SENP5: variants seen among roughly 807,000 people sequenced by gnomAD.
The protein encoded by SENP5 is sentrin-specific protease 5.
In SENP5, 21 loss-of-function variants were observed where a neutral mutation model predicts 74.2. The observed-to-expected ratio is 0.28, with a 90% CI of 0.20 to 0.41. The LOEUF (loss-of-function observed/expected upper bound fraction) is 0.41. SENP5 is among the 10% of genes least tolerant of loss of function. The probability of loss-of-function intolerance (pLI) is 1.00; values close to 1 mark genes in which losing one functional copy is unlikely to be tolerated. For missense variants in SENP5, 717 were observed against 889.1 expected (o/e 0.81, Z 2.46); for synonymous variants, 311 against 312.7 (o/e 0.99, Z 0.06).
At chr3:196,908,860 G>A (rs1715010383) in intron 6 of SENP5, among the ~76,000 whole-genome samples, 1 of 151,972 alleles carries the variant, frequency 6.6e-6, no homozygotes, top group Non-Finnish European at 1.5e-5. Context: ...AGGAAATAGA[G>A]AAGCAAGAGC....
intron 6 of SENP5, among the ~76,000 whole-genome samples, chr3:196,904,066 A>G (rs73891567): frequency 0.015 from 2,349 of 152,376 alleles, 55 homozygotes; most frequent in African/African-American, 0.052. Context: ...TTATATCACA[A>G]TCTATTCATA....
chr3:196,881,110 C>T (rs1162405209), intron 1 of SENP5, among the ~76,000 whole-genome samples: 3 of 151,988 alleles, frequency 2.0e-5, no homozygotes, highest in Non-Finnish European at 4.4e-5. Flanking sequence ...CCACACTTGG[C>T]TAATTTTTAT....
chr3:196,901,934 C>T (rs1714717374), intron 5 of SENP5, among the ~76,000 whole-genome samples: 1 of 152,152 alleles, frequency 6.6e-6, no homozygotes, highest in African/African-American at 2.4e-5. Flanking sequence ...TGAGAACTTA[C>T]TAGAAATGCA....
intron 1 of SENP5, among the ~76,000 whole-genome samples, chr3:196,879,726 A>G (rs1198228231): frequency 6.6e-6 from 1 of 152,100 alleles, no homozygotes; most frequent in African/African-American, 2.4e-5. Flanking sequence ...TGGGAGGTAA[A>G]TATTTTGATA....
chr3:196,870,202 G>C (rs763276405), intron 1 of SENP5, among the ~76,000 whole-genome samples: 1 of 152,134 alleles, frequency 6.6e-6, no homozygotes, highest in Non-Finnish European at 1.5e-5. Context: ...TTTGGTAGAC[G>C]CTCAGAAAGG....
At chr3:196,921,814 A>C (rs1715630536) in intron 6 of SENP5, among the ~76,000 whole-genome samples, 1 of 152,236 alleles carries the variant, frequency 6.6e-6, no homozygotes, top group Admixed American at 6.5e-5. Context: ...TCAGAAAGCG[A>C]GAAGGAAATC....
chr3:196,876,004 T>C (rs1214281877), intron 1 of SENP5, among the ~76,000 whole-genome samples: 1 of 152,174 alleles, frequency 6.6e-6, no homozygotes, highest in Non-Finnish European at 1.5e-5. Flanking sequence ...ATTACAGGCA[T>C]AAGCCACCAT....
chr3:196,923,527 C>A lies in SENP5; in HGVS notation c.1998C>A (p.Gly666=). The A allele has an allele frequency of 6.2e-7, 1 of 1,608,092 alleles. No individual in the cohort carries two copies. Among genetic ancestry groups the A allele is most frequent in the African/African-American group, 1.3e-5 (1 of 74,814 alleles). The change falls in exon 7 of 10, where the codon GGC becomes GGA. Residue 666 remains glycine (G), a synonymous_variant. Transcript: ENST00000323460. ...TTATTTCATTTTATGATTCCCAAGGCATTCATTTTAAGTTTTGTGTAGAGG... is the reference window on the plus strand; with the variant it reads ...TTATTTCATTTTATGATTCCCAAGGAATTCATTTTAAGTTTTGTGTAGAGG... ...NRIISFYDSQ[G]IHFKFCVENI...
At chr3:196,899,832 T>A in intron 3 of SENP5, 61 bp downstream of exon 3, 1 of 1,570,960 alleles carries the variant, frequency 6.4e-7, no homozygotes, top group Non-Finnish European at 8.7e-7. Flanking sequence ...ATATGACTTT[T>A]CTCTTGATTT....
At chr3:196,891,536 C>G (rs1428245142) in intron 2 of SENP5, among the ~76,000 whole-genome samples, 1 of 152,108 alleles carries the variant, frequency 6.6e-6, no homozygotes, top group East Asian at 1.9e-4. Flanking sequence ...GAGGCTGAGG[C>G]AGAAGGATCG....
chr3:196,925,190 A>T (rs1715767484), intron 7 of SENP5, among the ~76,000 whole-genome samples: 1 of 151,564 alleles, frequency 6.6e-6, no homozygotes. Context: ...CAAGGAGAAT[A>T]TTTTCTTGTA....
intron 6 of SENP5, among the ~76,000 whole-genome samples, chr3:196,908,401 G>A (rs932755226): frequency 1.3e-5 from 2 of 152,222 alleles, no homozygotes; most frequent in African/African-American, 4.8e-5. Context: ...AATGAGAACA[G>A]AGAGACAATG....
intron 1 of SENP5, among the ~76,000 whole-genome samples, chr3:196,881,885 A>T: frequency 7.1e-6 from 1 of 140,680 alleles, no homozygotes. Flanking sequence ...TGCTTCTTTG[A>T]GATAGTATTA....
chr3:196,909,495 G>A (rs1258183443), intron 6 of SENP5, among the ~76,000 whole-genome samples: 3 of 152,110 alleles, frequency 2.0e-5, no homozygotes, highest in African/African-American at 4.8e-5. Context: ...GATGAACATC[G>A]GTGCGAAAAA....
In SENP5 at chr3:196,886,230, G is replaced by A. The variant is rs34326043; in HGVS notation, c.1049G>A (p.Gly350Asp). 8,112 of 1,614,164 alleles carry A rather than the reference G, an allele frequency of 5.0e-3. 56 individuals are homozygous for A. Among genetic ancestry groups the A allele is most frequent in the South Asian group, 0.017 (1,589 of 91,074 alleles). The stretch of plus-strand genomic sequence containing the variant: ...GAAGCATTCCCTGACCAACAGAATG[G>A]CAGTGCCACAAACGCCTGGGACCAG... ...LDEAFPDQQNGSATNAWDQSS... is the reference protein window; with the variant it reads ...LDEAFPDQQNDSATNAWDQSS... The change falls in exon 2 of 10, where the codon GGC becomes GAC. Residue 350 changes from glycine (G) to aspartate (D), a missense_variant. Gly to Asp is a moderately conservative substitution (Grantham distance 94, BLOSUM62 -1). Transcript: ENST00000323460.
intron 1 of SENP5, among the ~76,000 whole-genome samples, chr3:196,875,767 T>C (rs534808300): frequency 5.8e-4 from 89 of 152,328 alleles, no homozygotes; most frequent in Non-Finnish European, 1.0e-3. Flanking sequence ...TCTTGCTCTG[T>C]CACCCAAACT....
rs202085742 is a variant in SENP5 at position 196,886,521 on chromosome 3, C to G, written c.1340C>G (p.Ser447Cys). ...ENSYQMEEDG[S>C]LKQSILSSEL... ...TCATACCAGATGGAGGAGGATGGAT[C>G]TCTCAAGCAGAGCATTCTTAGTTCT... is the stretch of plus-strand genomic sequence containing the variant. Residue 447 changes from serine to cysteine, a missense_variant, in exon 2 of 10, where the codon TCT (serine) becomes TGT (cysteine). Physicochemically the swap from Ser to Cys is moderately radical, Grantham distance 112. Coordinates refer to ENST00000323460, the MANE Select transcript of SENP5 (RefSeq NM_152699.5). 4 of 1,613,436 alleles carry G rather than the reference C, an allele frequency of 2.5e-6. No homozygotes were observed. The highest frequency in any genetic ancestry group is 3.4e-6 in the Non-Finnish European group (4 of 1,179,808).
chr3:196,898,315 G>A (rs1714537879), intron 2 of SENP5, among the ~76,000 whole-genome samples: 1 of 151,664 alleles, frequency 6.6e-6, no homozygotes, highest in Admixed American at 6.6e-5. Flanking sequence ...GTCCTATGGT[G>A]TGGCCAAAAA....
At chr3:196,922,200 T>A (rs1715644907) in intron 6 of SENP5, among the ~76,000 whole-genome samples, 1 of 152,238 alleles carries the variant, frequency 6.6e-6, no homozygotes, top group Non-Finnish European at 1.5e-5. Flanking sequence ...ACACATATTC[T>A]TTTATTACTC....
Sources: allele counts gnomAD v4.1 joint callset (sites outside exome capture counted in the v4.1 genomes callset), GRCh38; gene constraint gnomAD v4.1.1; transcripts MANE v1.5; gene names NCBI Gene and HGNC (gene_info 2026-07-23, HGNC 2026-07-21).